Variants in TBX20 observed in about 807,000 individuals in gnomAD.
The protein encoded by TBX20 is T-box transcription factor TBX20.
TBX20 carries 8 observed loss-of-function variants against 42.9 expected under a neutral mutation model. The ratio of observed to expected loss-of-function variants is 0.19; its 90% CI spans 0.11 to 0.34. The LOEUF (loss-of-function observed/expected upper bound fraction) is 0.34. Among genes scored for constraint, TBX20 ranks in the 10% least tolerant of loss-of-function variants. TBX20 has a pLI of 1.00. For synonymous variants in TBX20, 198 were observed against 222.8 expected (o/e 0.89, Z 0.99); for missense variants, 411 against 566.0 (o/e 0.73, Z 2.78).
At position 35,204,961 on chromosome 7, in the gene TBX20, T is replaced by G. The variant is rs148989804; in HGVS notation, c.891-379A>C. ...AGCTGCAATGACTCTTCTTACTGAC[T>G]TCATCAGCTAACAAATACAAAACAA... On this transcript the variant is annotated intron_variant, in intron 6 of 7. Transcript: ENST00000408931. Among the ~76,000 whole-genome samples, 1,025 of 152,324 alleles carry G rather than the reference T, an allele frequency of 6.7e-3. 15 individuals are homozygous for G. Among genetic ancestry groups the G allele is most frequent in the African/African-American group, 0.024 (988 of 41,572 alleles).
chr7:35,244,834 G>A, intron 4 of TBX20, 115 bp downstream of exon 4: 1 of 748,534 alleles, frequency 1.3e-6, no homozygotes, highest in Non-Finnish European at 2.4e-6. Context: ...ATGACTCAGA[G>A]ATAGAAGGTG....
At chr7:35,223,413 C>T (rs1382533272) in intron 6 of TBX20, among the ~76,000 whole-genome samples, 8 of 152,044 alleles carry the variant, frequency 5.3e-5, no homozygotes, top group African/African-American at 1.7e-4. Context: ...GGCATAAAAC[C>T]GAGACAGGGC....
chr7:35,213,117 C>G (rs1284987246), intron 6 of TBX20, among the ~76,000 whole-genome samples: 1 of 152,190 alleles, frequency 6.6e-6, no homozygotes, highest in Non-Finnish European at 1.5e-5. Flanking sequence ...CATTTGTTTC[C>G]CATCCCTCAG....
chr7:35,217,912 G>C (rs1053235590), intron 6 of TBX20, among the ~76,000 whole-genome samples: 8 of 152,084 alleles, frequency 5.3e-5, no homozygotes, highest in African/African-American at 1.9e-4. Context: ...TAGAGACGGG[G>C]TTTCTCCATG....
At chr7:35,226,019 G>A (rs1029847315) in intron 6 of TBX20, among the ~76,000 whole-genome samples, 1 of 151,872 alleles carries the variant, frequency 6.6e-6, no homozygotes, top group African/African-American at 2.4e-5. Context: ...AAATAAGTGG[G>A]AAATGAATAC....
intron 6 of TBX20, among the ~76,000 whole-genome samples, chr7:35,218,942 G>A: frequency 6.6e-6 from 1 of 152,140 alleles, no homozygotes; most frequent in Non-Finnish European, 1.5e-5. Flanking sequence ...GAAGCAGAGT[G>A]CATGTCCTCA....
At chr7:35,218,203 T>A (rs922749599) in intron 6 of TBX20, among the ~76,000 whole-genome samples, 2 of 152,228 alleles carry the variant, frequency 1.3e-5, no homozygotes, top group African/African-American at 4.8e-5. Flanking sequence ...AGAACTTCTA[T>A]AAAACAAAGA....
At chr7:35,215,561 A>G (rs1378978748) in intron 6 of TBX20, among the ~76,000 whole-genome samples, 1 of 152,206 alleles carries the variant, frequency 6.6e-6, no homozygotes, top group African/African-American at 2.4e-5. Context: ...TCACATCCCA[A>G]TGCAACAGAC....
intron 5 of TBX20, among the ~76,000 whole-genome samples, chr7:35,236,488 T>C (rs1789968455): frequency 6.6e-6 from 1 of 152,268 alleles, no homozygotes; most frequent in East Asian, 1.9e-4. Flanking sequence ...CAGTAGATGG[T>C]AGAAGGCCTA....
At chr7:35,239,736 T>C (rs1029992442) in intron 5 of TBX20, among the ~76,000 whole-genome samples, 10 of 149,060 alleles carry the variant, frequency 6.7e-5, no homozygotes, top group African/African-American at 2.5e-4. Context: ...AATGCATTAA[T>C]TTAAGTTTTT....
chr7:35,222,962 T>C (rs907795563), intron 6 of TBX20, among the ~76,000 whole-genome samples: 7 of 151,914 alleles, frequency 4.6e-5, no homozygotes, highest in African/African-American at 1.5e-4. Context: ...CAATATTGAA[T>C]GAAGGCCAAT....
At chr7:35,232,654 T>A (rs191866305) in intron 5 of TBX20, among the ~76,000 whole-genome samples, 77 of 152,310 alleles carry the variant, frequency 5.1e-4, no homozygotes, top group Admixed American at 2.2e-3. Context: ...TAAAGATTCT[T>A]AACAGGGGAA....
chr7:35,213,459 T>C (rs1275736978), intron 6 of TBX20, among the ~76,000 whole-genome samples: 1 of 152,200 alleles, frequency 6.6e-6, no homozygotes. Context: ...TGTATAACTT[T>C]TGAATTTTGG....
At chr7:35,244,406 T>C (rs180771377) in intron 4 of TBX20, among the ~76,000 whole-genome samples, 120 of 139,308 alleles carry the variant, frequency 8.6e-4, no homozygotes, top group Non-Finnish European at 1.5e-3. Flanking sequence ...TATGCTTTAA[T>C]ATTCATGAAA....
chr7:35,252,210 C>A (rs1443100405), intron 1 of TBX20, among the ~76,000 whole-genome samples: 1 of 152,064 alleles, frequency 6.6e-6, no homozygotes, highest in Non-Finnish European at 1.5e-5. Context: ...CCCTAAACAG[C>A]AATGTATAAT....
chr7:35,240,003 G>T (rs1790044214), intron 5 of TBX20, among the ~76,000 whole-genome samples: 1 of 152,154 alleles, frequency 6.6e-6, no homozygotes, highest in Non-Finnish European at 1.5e-5. Flanking sequence ...ACCCACCCTG[G>T]CCTCCCGAAG....
intron 5 of TBX20, among the ~76,000 whole-genome samples, chr7:35,237,829 A>G (rs1239084450): frequency 6.6e-6 from 1 of 151,752 alleles, no homozygotes; most frequent in Non-Finnish European, 1.5e-5. Flanking sequence ...TCATCGTGTT[A>G]CACTTGCTGA....
chr7:35,227,923 CTGA>C (rs1789803325), intron 6 of TBX20, among the ~76,000 whole-genome samples: 1 of 152,070 alleles, frequency 6.6e-6, no homozygotes, highest in East Asian at 1.9e-4. Context: ...CTTAATGTCA[CTGA>C]ATTGTACACT....
intron 6 of TBX20, among the ~76,000 whole-genome samples, chr7:35,215,369 G>A (rs1170951451): frequency 6.6e-6 from 1 of 152,152 alleles, no homozygotes; most frequent in Non-Finnish European, 1.5e-5. Context: ...AGGCCATGAT[G>A]TTTACTTTAT....
Sources: allele counts gnomAD v4.1 joint callset (sites outside exome capture counted in the v4.1 genomes callset), GRCh38; gene constraint gnomAD v4.1.1; transcripts MANE v1.5; gene names NCBI Gene and HGNC (gene_info 2026-07-23, HGNC 2026-07-21).